Variants in CYP4F3 observed in about 807,000 individuals in gnomAD.
The protein encoded by CYP4F3 is cytochrome P450 4F3.
CYP4F3 carries 50 observed loss-of-function variants against 54.8 expected under a neutral mutation model. The ratio of observed to expected loss-of-function variants is 0.91; its 90% CI spans 0.73 to 1.16. The LOEUF is 1.16. Among genes scored for constraint, CYP4F3 ranks in the 50% most tolerant of loss-of-function variants. The pLI, the probability that CYP4F3 is intolerant of heterozygous loss-of-function variation, is 0.00. For synonymous variants in CYP4F3, 244 were observed against 262.6 expected, an observed-to-expected ratio of 0.93 and a Z score of 0.69; for missense variants, 715 against 676.2, an observed-to-expected ratio of 1.06 and a Z score of -0.64.
At chr19:15,641,754 CT>C in intron 2 of CYP4F3, 141 bp downstream of exon 2, 1 of 975,356 alleles carries the variant, frequency 1.0e-6, no homozygotes, top group Non-Finnish European at 1.5e-6. Flanking sequence ...CATTCCTCTG[CT>C]TACTCATTTC....
Position 15,641,623 on chromosome 19 carries a change from G to A in CYP4F3, c.198+10G>A, listed in dbSNP as rs781683694. ...GGGTCACCTGGGCCTGGTGAGTGTG[G>A]CAGCAGGACGGGTCTGGGGTCTCAG... On this transcript the variant is annotated intron_variant, in intron 2 of 12. Coordinates refer to ENST00000221307, the MANE Select transcript of CYP4F3 (RefSeq NM_000896.3). The A allele has an allele frequency of 1.2e-6, 2 of 1,612,402 alleles. No individual in the cohort carries two copies. The highest frequency in any genetic ancestry group is 1.7e-6 in the Non-Finnish European group (2 of 1,179,282).
rs376922016 is a variant in CYP4F3, at chr19:15,662,272, C to CAAAAAAAAAAAAAAAAAAAAAAAA, written c.*2907_*2908insAAAAAAAAAAAAAAAAAAAAAAAA. On this transcript the variant is annotated 3_prime_UTR_variant, in exon 13 of 13. Transcript: ENST00000221307. ...GGTGAAAGAGCTAGATTCTCTCTCT[C>CAAAAAAAAAAAAAAAAAAAAAAAA]AAAAAAAAAAAAAAAAAAAAGGAAA... is the stretch of plus-strand genomic sequence containing the variant. 40 of 73,668 alleles carry CAAAAAAAAAAAAAAAAAAAAAAAA rather than the reference C, an allele frequency of 5.4e-4. 2 individuals carry two copies. The highest frequency in any genetic ancestry group is 1.6e-3 in the African/African-American group (20 of 12,350). The allele number at this position is 73,668 out of a possible 1,614,324, so 4.6% of individuals were successfully genotyped here.
chr19:15,649,486 G>A (rs1259104753), intron 6 of CYP4F3, among the ~76,000 whole-genome samples: 2 of 152,250 alleles, frequency 1.3e-5, no homozygotes, highest in South Asian at 4.1e-4. Context: ...GGTCAAAGTG[G>A]GTCTCTCTCA....
intron 9 of CYP4F3, among the ~76,000 whole-genome samples, chr19:15,654,231 A>AT (rs1310235799): frequency 1.3e-5 from 2 of 152,208 alleles, no homozygotes; most frequent in African/African-American, 4.8e-5. Flanking sequence ...TTGCAATTTT[A>AT]TTTTTTAAAA....
chr19:15,647,104 G>C lies in CYP4F3; in HGVS notation c.396G>C (p.Leu132=). ...KVFYSFLKPW[L]GDGLLLSAGE... Reference sequence around the variant, plus strand: ...TCTACAGCTTCCTGAAGCCCTGGCTGGGTGAGTATCTGTAGGTGAACAGGG... The same window carrying C: ...TCTACAGCTTCCTGAAGCCCTGGCTCGGTGAGTATCTGTAGGTGAACAGGG... The change falls in exon 4 of 13, where the codon CTG becomes CTC. Residue 132 remains leucine (L), a splice_region_variant and synonymous_variant. Coordinates refer to ENST00000221307, the MANE Select transcript of CYP4F3 (RefSeq NM_000896.3). The C allele has an allele frequency of 2.5e-6, 4 of 1,613,924 alleles. No individual in the cohort carries two copies. In the Middle Eastern group the frequency reaches 6.6e-4, roughly 266 times the overall value.
chr19:15,654,361 A>G (rs969667528), intron 9 of CYP4F3, among the ~76,000 whole-genome samples: 13 of 152,202 alleles, frequency 8.5e-5, no homozygotes, highest in Non-Finnish European at 1.6e-4. Context: ...TGCCTGAAAT[A>G]TTTGTCTTTT....
At chr19:15,658,921 C>T (rs1009026445) in intron 12 of CYP4F3, 112 bp downstream of exon 12, 1 of 1,412,222 alleles carries the variant, frequency 7.1e-7, no homozygotes, top group Non-Finnish European at 9.7e-7. Flanking sequence ...GCTCTCCTTC[C>T]CTCACCTCCT....
rs756773347 is a variant in CYP4F3 at position 15,659,406 on chromosome 19, G to A, written c.*21G>A. ...GCTGAGTTCTGCAGAGACCCACTCT[G>A]ACCCCACTAAAATGACCCCTGATTC... On this transcript the variant is annotated 3_prime_UTR_variant, in exon 13 of 13. Transcript: ENST00000221307. 6 of 1,604,944 alleles carry A rather than the reference G, an allele frequency of 3.7e-6. No individual in the cohort carries two copies. The African/African-American group carries it at 6.7e-5, about 18-fold the overall frequency.
At chr19:15,647,142 TG>T in intron 4 of CYP4F3, 37 bp downstream of exon 4, 4 of 1,613,914 alleles carry the variant, frequency 2.5e-6, no homozygotes, top group East Asian at 2.2e-5. Context: ...GGGAACAACC[TG>T]GGGGGCCAGG....
At chr19:15,646,220 G>A (rs567525370) in intron 3 of CYP4F3, among the ~76,000 whole-genome samples, 27 of 152,186 alleles carry the variant, frequency 1.8e-4, no homozygotes, top group Non-Finnish European at 3.4e-4. Flanking sequence ...GTCATGTGTG[G>A]AGTTCATGTG....
chr19:15,657,056 G>A (rs1305583542), intron 9 of CYP4F3, among the ~76,000 whole-genome samples: 1 of 152,162 alleles, frequency 6.6e-6, no homozygotes, highest in East Asian at 1.9e-4. Flanking sequence ...CTAGCCTGCA[G>A]TATGTGGTGA....
rs147008873 is a variant in CYP4F3 at position 15,658,758 on chromosome 19, A to T, written c.1346A>T (p.Asn449Ile). The T allele has an allele frequency of 8.7e-6, 14 of 1,614,016 alleles. No homozygotes were observed. The highest frequency in any genetic ancestry group is 1.1e-5 in the Non-Finnish European group (13 of 1,180,032). The change falls in exon 12 of 13, where the codon AAC becomes ATC. Residue 449 changes from asparagine (N) to isoleucine (I), a missense_variant. Physicochemically the swap from Asn to Ile is moderately radical, Grantham distance 149 (BLOSUM62 -3). Coordinates refer to ENST00000221307, the MANE Select transcript of CYP4F3 (RefSeq NM_000896.3). ...GACCCCTTTCGCTTTGACCCAAAGA[A>T]CATCAAGGAGAGGTCACCTCTGGCT... The part of the protein sequence containing the change: ...VYDPFRFDPK[N>I]IKERSPLAFI...
Position 15,650,058 on chromosome 19 carries a change from G to C in CYP4F3, c.793G>C (p.Asp265His). 6.2e-7 allele frequency: 1 copy of C among 1,614,192 alleles called. No individual in the cohort carries two copies. Among genetic ancestry groups the C allele is most frequent in the South Asian group, 1.1e-5 (1 of 91,080 alleles). The part of the protein sequence containing the change: ...RFRRACRLVH[D>H]FTDAVIQERR... The stretch of plus-strand genomic sequence containing the variant: ...CCGCAGGGCCTGCCGCCTGGTGCAC[G>C]ACTTCACAGATGCCGTCATCCAGGA... The change falls in exon 7 of 13, where the codon GAC (aspartate) becomes CAC (histidine). Residue 265 changes from aspartate (D) to histidine (H), a missense_variant. Transcript: ENST00000221307.
At chr19:15,652,517 T>G in intron 7 of CYP4F3, 52 bp from the exon 8 acceptor site, 1 of 1,594,896 alleles carries the variant, frequency 6.3e-7, no homozygotes, top group East Asian at 2.3e-5. Flanking sequence ...CCCTCAGAGG[T>G]ACTGTGACTT....
chr19:15,654,426 A>C (rs935123843), intron 9 of CYP4F3, among the ~76,000 whole-genome samples: 1 of 152,224 alleles, frequency 6.6e-6, no homozygotes. Flanking sequence ...TGTACAGTAC[A>C]TATTGTAAAC....
At chr19:15,650,868 TTTTCTCTCTCTC>T (rs1972831536) in intron 7 of CYP4F3, among the ~76,000 whole-genome samples, 9 of 43,042 alleles carry the variant, frequency 2.1e-4, no homozygotes, top group African/African-American at 3.5e-4. Context: ...CTTTCTTTCT[TTTTCTCTCTCTC>T]TCTTTCCTTT....
chr19:15,642,826 C>CAGAT (rs555179994), intron 2 of CYP4F3, among the ~76,000 whole-genome samples: 6 of 150,428 alleles, frequency 4.0e-5, no homozygotes, highest in Non-Finnish European at 1.5e-5. Context: ...GGTAGATAGA[C>CAGAT]AGATAGATAG....
chr19:15,656,714 T>C (rs1443806579), intron 9 of CYP4F3, among the ~76,000 whole-genome samples: 1 of 140,592 alleles, frequency 7.1e-6, no homozygotes, highest in African/African-American at 2.6e-5. Context: ...TATGTATCTA[T>C]CTATATCATC....
At chr19:15,643,239 TAGAC>T (rs145812664) in intron 2 of CYP4F3, among the ~76,000 whole-genome samples, 20,949 of 150,768 alleles carry the variant, frequency 0.14, 1,531 homozygotes, top group Middle Eastern at 0.2. Flanking sequence ...AATGGATAGA[TAGAC>T]AGATATATAA....
Sources: gnomAD v4.1 joint callset for allele counts (sites outside exome capture counted in the v4.1 genomes callset) on GRCh38, gnomAD v4.1.1 for gene constraint, MANE v1.5 for transcripts, NCBI Gene and HGNC (gene_info 2026-07-23, HGNC 2026-07-21) for gene names.